The following PHEX variants were observed in gnomAD, a reference collection of about 807,000 sequenced individuals.
The protein encoded by PHEX is phosphate-regulating neutral endopeptidase PHEX.
PHEX carries 16 observed loss-of-function variants against 68.0 expected under a neutral mutation model. The observed-to-expected ratio is 0.24, with a 90% CI of 0.16 to 0.36. The LOEUF (loss-of-function observed/expected upper bound fraction) is 0.36, where lower values mean the gene tolerates loss of function less well. Among genes scored for constraint, PHEX ranks in the 10% least tolerant of loss-of-function variants. The probability of loss-of-function intolerance (pLI) is 1.00; values close to 1 mark genes in which losing one functional copy is unlikely to be tolerated. For missense variants in PHEX, 480 were observed against 575.5 expected, an observed-to-expected ratio of 0.83 and a Z score of 1.70; for synonymous variants, 208 against 205.1, an observed-to-expected ratio of 1.01 and a Z score of -0.12.
intron 17 of PHEX, among the ~76,000 whole-genome samples, chrX:22,220,584 C>T (rs1308475360): frequency 8.9e-6 from 1 of 112,004 alleles, no homozygotes; most frequent in Non-Finnish European, 1.9e-5. Flanking sequence ...TCCCCAGAAC[C>T]TTCTGGAGTC....
intron 21 of PHEX, among the ~76,000 whole-genome samples, 180 bp downstream of exon 21, chrX:22,245,589 T>C (rs1936368621): frequency 1.8e-5 from 2 of 111,679 alleles, no homozygotes; most frequent in African/African-American, 6.5e-5. Context: ...ATATCTTCTT[T>C]CATTAGTAGT....
chrX:22,079,950 A>G lies in PHEX; in HGVS notation c.663+2248A>G, dbSNP rs766480257. ...GCTAAAACCATTAGGTAAATGGTTG[A>G]TTGGGAAATTCATGATATCAGACCG... On this transcript the variant is annotated intron_variant, in intron 5 of 21. Transcript: ENST00000379374. 2.7e-5 allele frequency among the ~76,000 whole-genome samples: 3 copies of G among 111,584 alleles called. No individual in the cohort carries two copies. The East Asian group carries it at 8.5e-4, about 32-fold the overall frequency.
chrX:22,073,414 C>T (rs964927464), intron 3 of PHEX, among the ~76,000 whole-genome samples: 1 of 111,488 alleles, frequency 9.0e-6, no homozygotes, highest in South Asian at 3.7e-4. Context: ...ATAACTCGCT[C>T]GAATTCCAGC....
chrX:22,191,926 G>A (rs749904999), intron 15 of PHEX, among the ~76,000 whole-genome samples: 1 of 112,117 alleles, frequency 8.9e-6, no homozygotes, highest in African/African-American at 3.2e-5. Context: ...AAAACAACTT[G>A]GGAAAATATA....
In PHEX at chrX:22,236,703, C is replaced by T. The variant is rs1035628290; in HGVS notation, c.2071-8630C>T. ...AGAGTTGAATAATTGAAACAGGGAC[C>T]TTATAGTCTTCAAAGCCTAAAATCT... On this transcript the variant is annotated intron_variant, in intron 20 of 21. Transcript: ENST00000379374. Among the ~76,000 whole-genome samples the T allele has an allele frequency of 6.2e-5, 7 of 112,111 alleles. No homozygotes were observed. The East Asian group carries it at 2.0e-3, about 31-fold the overall frequency.
At chrX:22,179,038 A>T (rs2147128820) in intron 14 of PHEX, among the ~76,000 whole-genome samples, 1 of 112,156 alleles carries the variant, frequency 8.9e-6, no homozygotes, top group South Asian at 3.7e-4. Context: ...TACAATTTTT[A>T]ATTCATTTTA....
intron 7 of PHEX, 152 bp from the exon 8 acceptor site, chrX:22,096,803 A>G (rs1930155531): frequency 2.0e-6 from 1 of 488,686 alleles, no homozygotes; most frequent in Non-Finnish European, 3.6e-6. Context: ...GCCTAAAGTG[A>G]TGTCTTTTTT....
intron 10 of PHEX, among the ~76,000 whole-genome samples, chrX:22,113,009 G>T (rs1385037862): frequency 1.7e-5 from 1 of 57,408 alleles, no homozygotes; most frequent in South Asian, 6.4e-4. Flanking sequence ...TAGGTTTTGT[G>T]TGTGTGTGTG....
At chrX:22,110,367 C>G (rs1178529578) in intron 9 of PHEX, among the ~76,000 whole-genome samples, 1 of 112,319 alleles carries the variant, frequency 8.9e-6, no homozygotes, top group East Asian at 2.8e-4. Context: ...TTAAGAAAGA[C>G]AAATAAAAGC....
At chrX:22,057,811 C>T (rs1928182319) in intron 3 of PHEX, among the ~76,000 whole-genome samples, 1 of 111,360 alleles carries the variant, frequency 9.0e-6, no homozygotes, top group African/African-American at 3.3e-5. Context: ...ATAGTGCCTG[C>T]CATAGGAGGT....
intron 15 of PHEX, among the ~76,000 whole-genome samples, chrX:22,199,510 T>C (rs928288440): frequency 9.0e-6 from 1 of 111,715 alleles, no homozygotes; most frequent in African/African-American, 3.3e-5. Flanking sequence ...CTGAGTAGCA[T>C]GATGAAATCT....
At chrX:22,182,089 G>GC (rs778696561) in intron 14 of PHEX, among the ~76,000 whole-genome samples, 1 of 111,065 alleles carries the variant, frequency 9.0e-6, no homozygotes, top group South Asian at 3.8e-4. Context: ...GATTGCTCTA[G>GC]CTAGGACTTC....
chrX:22,225,568 C>A (rs1486126136), intron 18 of PHEX, among the ~76,000 whole-genome samples: 5 of 97,140 alleles, frequency 5.1e-5, no homozygotes, highest in Non-Finnish European at 1.0e-4. Context: ...GCCACTGTAG[C>A]AAGAGAGCAA....
intron 15 of PHEX, among the ~76,000 whole-genome samples, chrX:22,207,653 TGTC>T (rs1934753713): frequency 9.0e-6 from 1 of 111,361 alleles, no homozygotes; most frequent in South Asian, 3.8e-4. Context: ...TACATACTGT[TGTC>T]ATCATACAAA....
At chrX:22,077,410 C>T in intron 4 of PHEX, 66 bp from the exon 5 acceptor site, 1 of 980,092 alleles carries the variant, frequency 1.0e-6, no homozygotes, top group Middle Eastern at 2.8e-4. Flanking sequence ...AGAAGATGCA[C>T]TTAAATTCTA....
At position 22,186,664 on chromosome X, in the gene PHEX, C is replaced by T. The variant is rs147208322; in HGVS notation, c.1587-3780C>T. Among the ~76,000 whole-genome samples the T allele has an allele frequency of 5.2e-3, 581 of 111,915 alleles. 4 individuals carry two copies. Among genetic ancestry groups the T allele is most frequent in the African/African-American group, 0.018 (546 of 30,778 alleles). On this transcript the variant is annotated intron_variant, in intron 14 of 21. Coordinates refer to ENST00000379374, the MANE Select transcript of PHEX (RefSeq NM_000444.6). ...CTCTGGGTATTATCAAGTCTCCATA[C>T]GTGCCCTAGAGTCAATAAGAGCCCT...
intron 1 of PHEX, among the ~76,000 whole-genome samples, chrX:22,035,973 CTGTCAG>C (rs1293202984): frequency 2.0e-5 from 2 of 97,962 alleles, no homozygotes; most frequent in African/African-American, 7.6e-5. Flanking sequence ...GGGGTTGGGT[CTGTCAG>C]TGTCCCAATT....
chrX:22,042,601 A>G (rs1377751391), intron 2 of PHEX, among the ~76,000 whole-genome samples: 1 of 112,228 alleles, frequency 8.9e-6, no homozygotes, highest in Admixed American at 9.4e-5. Flanking sequence ...TCTGGCCAAC[A>G]TGGTGAAACT....
chrX:22,222,965 A>G (rs1292219297), intron 18 of PHEX, among the ~76,000 whole-genome samples: 2 of 111,870 alleles, frequency 1.8e-5, no homozygotes, highest in African/African-American at 6.5e-5. Context: ...TTTTAAGTTC[A>G]TTTTATATCT....
Sources: allele counts gnomAD v4.1 joint callset (sites outside exome capture counted in the v4.1 genomes callset), GRCh38; gene constraint gnomAD v4.1.1; transcripts MANE v1.5; gene names NCBI Gene and HGNC (gene_info 2026-07-23, HGNC 2026-07-21).